The following PBX1 variants were observed in gnomAD, a reference collection of about 807,000 sequenced individuals.
PBX1 encodes the protein PBX homeobox 1, also known as pre-B-cell leukemia transcription factor 1.
A neutral mutation model predicts 53.4 loss-of-function variants in PBX1; 6 were observed. The observed-to-expected ratio is 0.11, with a 90% CI of 0.06 to 0.22. The LOEUF (loss-of-function observed/expected upper bound fraction) is 0.22. Among genes scored for constraint, PBX1 ranks in the 10% least tolerant of loss-of-function variants. The probability of loss-of-function intolerance (pLI) is 1.00; values close to 1 mark genes in which losing one functional copy is unlikely to be tolerated. For missense variants in PBX1, 251 were observed against 551.4 expected, an observed-to-expected ratio of 0.46 and a Z score of 5.46; for synonymous variants, 204 against 212.3, an observed-to-expected ratio of 0.96 and a Z score of 0.34.
chr1:164,715,103 A>C (rs556020496), intron 2 of PBX1, among the ~76,000 whole-genome samples: 6 of 152,040 alleles, frequency 3.9e-5, no homozygotes, highest in Non-Finnish European at 8.8e-5. Flanking sequence ...AGTGCTCTAC[A>C]CACAGAGCTG....
Position 164,849,637 on chromosome 1 carries a change from A to C in PBX1, c.*2961A>C. The C allele has an allele frequency of 2.0e-6, 1 of 495,840 alleles. No homozygotes were observed. The highest frequency in any genetic ancestry group is 3.5e-6 in the Non-Finnish European group (1 of 287,300). The allele number at this position is 495,840 out of a possible 1,614,324, so 30.7% of individuals were successfully genotyped here. ...AGACCCTGGGTTTGCCCACCTTGTA[A>C]CTCTTCCTTATCTCCTCCTTTTCAT... is the stretch of plus-strand genomic sequence containing the variant. On this transcript the variant is annotated 3_prime_UTR_variant, in exon 9 of 9. Coordinates refer to ENST00000420696, the MANE Select transcript of PBX1 (RefSeq NM_002585.4).
Position 164,574,810 on chromosome 1 carries a change from C to T in PBX1, c.265+11499C>T, listed in dbSNP as rs190015569. ...CAGCCTGGCCAACATGGCGAAATGC[C>T]GTCTCTACTAAAAATACAAAAATTA... On this transcript the variant is annotated intron_variant, in intron 2 of 8. Transcript: ENST00000420696. Among the ~76,000 whole-genome samples the T allele has an allele frequency of 2.6e-4, 40 of 152,012 alleles. No individual in the cohort carries two copies. The East Asian group carries it at 5.2e-3, about 20-fold the overall frequency.
chr1:164,739,753 ATGTGTGTGTG>A (rs57602745), intron 2 of PBX1, among the ~76,000 whole-genome samples: 119 of 143,106 alleles, frequency 8.3e-4, no homozygotes, highest in South Asian at 4.7e-3. Context: ...GTGGTTGTGC[ATGTGTGTGTG>A]TGTGTGTGTG....
chr1:164,747,356 T>A lies in PBX1; in HGVS notation c.266-45138T>A, dbSNP rs149892008. On this transcript the variant is annotated intron_variant, in intron 2 of 8. Coordinates refer to ENST00000420696, the MANE Select transcript of PBX1 (RefSeq NM_002585.4). ...ATATACACACACACACATATGTATG[T>A]ATGTATTTTATATACATACATATTT... is the stretch of plus-strand genomic sequence containing the variant. Among the ~76,000 whole-genome samples, 421 of 152,272 alleles carry A rather than the reference T, an allele frequency of 2.8e-3. 1 individual carries two copies. The highest frequency in any genetic ancestry group is 4.6e-3 in the Non-Finnish European group (311 of 68,016).
At chr1:164,821,414 C>T (rs190803384) in intron 7 of PBX1, 123 bp from the exon 8 acceptor site, 7 of 743,508 alleles carry the variant, frequency 9.4e-6, no homozygotes, top group African/African-American at 1.7e-5. Context: ...CCCAGGACAA[C>T]TGTCTCCAAA....
rs1160891419 is a variant in PBX1 at position 164,684,707 on chromosome 1, A to ATTT, written c.266-107787_266-107786insTTT. On this transcript the variant is annotated intron_variant, in intron 2 of 8. Transcript: ENST00000420696. ...ACCCTCTGCTTTCAGAAATCACTTA[A>ATTT]AAAGGAAGGGAGTGCTTTTCCCATG... is the stretch of plus-strand genomic sequence containing the variant. 114 of 152,324 alleles carry ATTT rather than the reference A, an allele frequency of 7.5e-4. 1 individual carries two copies. Among genetic ancestry groups the ATTT allele is most frequent in the African/African-American group, 2.6e-3 (109 of 41,564 alleles). 9.4% of individuals were successfully genotyped at this position (152,324 alleles called of 1,614,324 possible). A position where few individuals can be genotyped will look rare whatever the true frequency, so the allele number is the denominator to read the frequency against.
At chr1:164,834,980 A>G (rs1670962606) in intron 8 of PBX1, among the ~76,000 whole-genome samples, 1 of 152,220 alleles carries the variant, frequency 6.6e-6, no homozygotes, top group Non-Finnish European at 1.5e-5. Context: ...AACCACAAAG[A>G]AGAAAATTTA....
intron 2 of PBX1, among the ~76,000 whole-genome samples, chr1:164,719,677 T>A (rs1033448097): frequency 1.4e-4 from 22 of 152,252 alleles, no homozygotes; most frequent in African/African-American, 5.3e-4. Context: ...AGTAATGTTG[T>A]TTTTGTCTTA....
intron 2 of PBX1, among the ~76,000 whole-genome samples, chr1:164,584,305 C>T (rs1254741476): frequency 6.6e-6 from 1 of 150,414 alleles, no homozygotes; most frequent in Non-Finnish European, 1.5e-5. Context: ...AGTTCTAGTC[C>T]GGCCTGGACA....
intron 2 of PBX1, among the ~76,000 whole-genome samples, chr1:164,744,744 GA>G (rs1665805108): frequency 6.6e-6 from 1 of 152,206 alleles, no homozygotes; most frequent in Non-Finnish European, 1.5e-5. Flanking sequence ...TGCTCTTAGA[GA>G]GTTGTTGATC....
At chr1:164,685,125 G>A (rs1302123722) in intron 2 of PBX1, among the ~76,000 whole-genome samples, 10 of 152,090 alleles carry the variant, frequency 6.6e-5, no homozygotes, top group East Asian at 5.8e-4. Flanking sequence ...CGCGGGCCTC[G>A]TTTTCTGAAT....
chr1:164,734,287 A>G (rs7535121), intron 2 of PBX1, among the ~76,000 whole-genome samples: 12,112 of 152,240 alleles, frequency 0.08, 716 homozygotes, highest in East Asian at 0.16. Context: ...CATTTCTTGT[A>G]TACAATGAAC....
At chr1:164,683,618 A>C (rs181379598) in intron 2 of PBX1, 7 of 152,312 alleles carry the variant, frequency 4.6e-5, no homozygotes, top group Non-Finnish European at 7.3e-5. Context: ...CCCACCTTCC[A>C]AAACACATAC....
intron 7 of PBX1, among the ~76,000 whole-genome samples, chr1:164,820,676 T>A (rs1488872124): frequency 2.6e-5 from 4 of 152,176 alleles, no homozygotes; most frequent in African/African-American, 7.2e-5. Context: ...TTCTTAGTCA[T>A]CCTTGAGGTC....
At chr1:164,854,996 G>A (rs1671948240), downstream of PBX1, among the ~76,000 whole-genome samples, 1 of 139,254 alleles carries the variant, frequency 7.2e-6, no homozygotes, top group Non-Finnish European at 1.5e-5. Flanking sequence ...TCACCAGGCT[G>A]GAGTGAGGTG....
intron 8 of PBX1, among the ~76,000 whole-genome samples, chr1:164,834,259 T>A (rs1276773903): frequency 1.3e-5 from 2 of 151,986 alleles, no homozygotes; most frequent in Non-Finnish European, 2.9e-5. Context: ...GCAAAGAAAA[T>A]GAAAAGGAGA....
At chr1:164,880,210 G>T (rs1181267178) in intron 2 of PBX1, among the ~76,000 whole-genome samples, 1 of 152,090 alleles carries the variant, frequency 6.6e-6, no homozygotes, top group Non-Finnish European at 1.5e-5. Context: ...GCACATGTTG[G>T]GCACCTTCTG....
chr1:164,756,762 A>T (rs913075670), intron 2 of PBX1, among the ~76,000 whole-genome samples: 1 of 152,278 alleles, frequency 6.6e-6, no homozygotes, highest in Non-Finnish European at 1.5e-5. Flanking sequence ...GTCCGTATAC[A>T]TATGTGTAAC....
chr1:164,662,728 T>C (rs552274614), intron 2 of PBX1, among the ~76,000 whole-genome samples: 10 of 152,276 alleles, frequency 6.6e-5, no homozygotes, highest in African/African-American at 1.9e-4. Flanking sequence ...TTTCCCGTAA[T>C]TGCCTAGAGT....
Sources: allele counts gnomAD v4.1 joint callset (sites outside exome capture counted in the v4.1 genomes callset), GRCh38; gene constraint gnomAD v4.1.1; transcripts MANE v1.5; gene names NCBI Gene and HGNC (gene_info 2026-07-23, HGNC 2026-07-21).